Variants in CFAP221 observed in about 807,000 individuals in gnomAD.
The protein encoded by CFAP221 is cilia- and flagella-associated protein 221.
In CFAP221, 97 loss-of-function variants were observed where a neutral mutation model predicts 113.1. The ratio of observed to expected loss-of-function variants is 0.86; its 90% CI spans 0.73 to 1.02. The LOEUF (loss-of-function observed/expected upper bound fraction) is 1.02, where lower values mean the gene tolerates loss of function less well. Among genes scored for constraint, CFAP221 ranks in the 50% least tolerant of loss-of-function variants. The pLI, the probability that CFAP221 is intolerant of heterozygous loss-of-function variation, is 0.00. For missense variants in CFAP221, 1,025 were observed against 1,013.4 expected (o/e 1.01, Z -0.16); for synonymous variants, 331 against 354.4 (o/e 0.93, Z 0.74).
chr2:119,544,740 G>A (rs1445492380), intron 1 of CFAP221, among the ~76,000 whole-genome samples: 9 of 152,202 alleles, frequency 5.9e-5, no homozygotes, highest in African/African-American at 1.7e-4. Flanking sequence ...GGTCGCGGAG[G>A]GGAGGAGGCG....
intron 5 of CFAP221, among the ~76,000 whole-genome samples, chr2:119,561,740 T>C (rs1405221474): frequency 1.3e-5 from 2 of 151,362 alleles, no homozygotes; most frequent in African/African-American, 2.4e-5. Context: ...TAGAAGCAGA[T>C]AGATTACTGT....
chr2:119,579,969 C>G (rs1682727525), intron 6 of CFAP221, among the ~76,000 whole-genome samples: 1 of 152,160 alleles, frequency 6.6e-6, no homozygotes, highest in South Asian at 2.1e-4. Flanking sequence ...GCGTCATCTT[C>G]AAAGACCATA....
chr2:119,626,608 T>G (rs1485911341), intron 15 of CFAP221, among the ~76,000 whole-genome samples: 2 of 152,180 alleles, frequency 1.3e-5, no homozygotes, highest in Non-Finnish European at 2.9e-5. Flanking sequence ...CCTTTTAATC[T>G]TGTATGGTCT....
intron 23 of CFAP221, among the ~76,000 whole-genome samples, chr2:119,654,246 C>T (rs1688296789): frequency 6.6e-6 from 1 of 152,054 alleles, no homozygotes; most frequent in Admixed American, 6.6e-5. Context: ...TTCCAGTAAG[C>T]ATCTGTTTTG....
At chr2:119,581,913 A>G (rs1481487217) in intron 6 of CFAP221, among the ~76,000 whole-genome samples, 1 of 152,052 alleles carries the variant, frequency 6.6e-6, no homozygotes, top group Non-Finnish European at 1.5e-5. Flanking sequence ...AAAAATAAAT[A>G]AATAAATAAG....
intron 12 of CFAP221, among the ~76,000 whole-genome samples, chr2:119,609,632 A>G (rs1343144647): frequency 1.3e-5 from 2 of 152,126 alleles, no homozygotes; most frequent in African/African-American, 4.8e-5. Context: ...TAACTTGGTC[A>G]CTTCTTTAAA....
Position 119,604,677 on chromosome 2 carries a change from A to G in CFAP221, c.797A>G (p.Glu266Gly), listed in dbSNP as rs549984591. 227 of 1,556,276 alleles carry G rather than the reference A, an allele frequency of 1.5e-4. No individual in the cohort carries two copies. The highest frequency in any genetic ancestry group is 1.8e-4 in the Non-Finnish European group (212 of 1,158,628). Residue 266 changes from glutamate (E) to glycine (G), a missense_variant, in exon 9 of 24, where the codon GAA (glutamate) becomes GGA (glycine). Physicochemically the swap from Glu to Gly is moderately conservative, Grantham distance 98 (BLOSUM62 -2). Transcript: ENST00000413369. ...TCYPNMALPL[E>G]EFERLNTLSK... is the part of the protein sequence containing the mutation. ...ACACTTGTTTTAACCTATAGATTAG[A>G]AGAGTTTGAAAGGTTGAATACCCTT...
chr2:119,629,812 C>A, intron 16 of CFAP221, 63 bp from the exon 17 acceptor site: 1 of 1,307,464 alleles, frequency 7.6e-7, no homozygotes. Context: ...GTAGTGGAAA[C>A]AGAAGCATAG....
chr2:119,600,888 C>T (rs1028178565), intron 7 of CFAP221, among the ~76,000 whole-genome samples: 2 of 152,238 alleles, frequency 1.3e-5, no homozygotes, highest in African/African-American at 4.8e-5. Flanking sequence ...TGATGATCCA[C>T]TTCCACTTAA....
chr2:119,644,657 A>G (rs993549209), intron 21 of CFAP221, among the ~76,000 whole-genome samples: 3 of 152,176 alleles, frequency 2.0e-5, no homozygotes, highest in Non-Finnish European at 2.9e-5. Flanking sequence ...AGACAAAGTC[A>G]GGGATACACA....
intron 7 of CFAP221, among the ~76,000 whole-genome samples, chr2:119,600,850 A>C (rs1684317177): frequency 6.6e-6 from 1 of 152,170 alleles, no homozygotes; most frequent in Non-Finnish European, 1.5e-5. Flanking sequence ...CCTATTCAAC[A>C]CGAAGACAAA....
rs1420075639 is a variant in CFAP221 at position 119,631,147 on chromosome 2, G to A, written c.1974+246G>A. ...GATCTTTTCTAAATATCTATAATAT[G>A]TACATATAGGCCAAAGAAGAAATTG... On this transcript the variant is annotated intron_variant, in intron 19 of 23. Transcript: ENST00000413369. 4.0e-6 allele frequency: 4 copies of A among 996,488 alleles called. No homozygotes were observed. The East Asian group carries it at 1.2e-4, about 30-fold the overall frequency. 61.7% of individuals were successfully genotyped at this position (996,488 alleles called of 1,614,324 possible). A position where few individuals can be genotyped will look rare whatever the true frequency, so the allele number is the denominator to read the frequency against.
chr2:119,592,524 A>G (rs2104633708), intron 7 of CFAP221, among the ~76,000 whole-genome samples: 1 of 152,288 alleles, frequency 6.6e-6, no homozygotes, highest in Middle Eastern at 3.4e-3. Flanking sequence ...GTGACCATGA[A>G]TGCTGTAGCT....
chr2:119,577,727 A>G (rs765721112), intron 6 of CFAP221, among the ~76,000 whole-genome samples: 2 of 152,228 alleles, frequency 1.3e-5, no homozygotes, highest in African/African-American at 4.8e-5. Context: ...GCTGGTACAT[A>G]TTAAGAGATA....
At chr2:119,639,936 C>T in intron 21 of CFAP221, 64 bp downstream of exon 21, 5 of 1,381,828 alleles carry the variant, frequency 3.6e-6, no homozygotes, top group Non-Finnish European at 5.1e-6. Context: ...AGGCAATGAT[C>T]CCCAAAAGTT....
intron 6 of CFAP221, among the ~76,000 whole-genome samples, chr2:119,579,611 T>C (rs912482530): frequency 9.9e-5 from 15 of 152,240 alleles, no homozygotes; most frequent in African/African-American, 3.6e-4. Flanking sequence ...CTATATCTGC[T>C]TCTGAATTAT....
chr2:119,622,703 G>C (rs564298661), intron 14 of CFAP221, among the ~76,000 whole-genome samples: 2 of 152,240 alleles, frequency 1.3e-5, no homozygotes, highest in East Asian at 1.9e-4. Context: ...GGGATGCAAG[G>C]CTGCTTCAAC....
intron 2 of CFAP221, 24 bp from the exon 3 acceptor site, chr2:119,549,061 T>G (rs1411528008): frequency 7.0e-7 from 1 of 1,420,912 alleles, no homozygotes. Flanking sequence ...TCTCATGATG[T>G]GCTTATCTAC....
intron 7 of CFAP221, 59 bp downstream of exon 7, chr2:119,587,281 T>C: frequency 2.4e-6 from 3 of 1,257,808 alleles, no homozygotes; most frequent in South Asian, 1.5e-5. Flanking sequence ...TCAAACGTTA[T>C]ATTTTCAAAC....
Sources: gnomAD v4.1 joint callset for allele counts (sites outside exome capture counted in the v4.1 genomes callset) on GRCh38, gnomAD v4.1.1 for gene constraint, MANE v1.5 for transcripts, NCBI Gene and HGNC (gene_info 2026-07-23, HGNC 2026-07-21) for gene names.